RICTOR: variants seen among roughly 807,000 people sequenced by gnomAD.
RICTOR encodes RPTOR independent companion of MTOR complex 2, also known as rapamycin-insensitive companion of mTOR.
RICTOR carries 49 observed loss-of-function variants against 214.9 expected under a neutral mutation model. The ratio of observed to expected loss-of-function variants is 0.23; its 90% CI spans 0.18 to 0.29. The LOEUF (loss-of-function observed/expected upper bound fraction) is 0.29. Ranked by LOEUF, RICTOR falls within the 10% of genes least tolerant of loss-of-function variation. The pLI is 1.00. For synonymous variants in RICTOR, 717 were observed against 711.3 expected, an observed-to-expected ratio of 1.01 and a Z score of -0.13; for missense variants, 1,625 against 2,047.0, an observed-to-expected ratio of 0.79 and a Z score of 3.98.
At chr5:39,015,385 G>C (rs939877518) in intron 3 of RICTOR, among the ~76,000 whole-genome samples, 1 of 152,064 alleles carries the variant, frequency 6.6e-6, no homozygotes, top group African/African-American at 2.4e-5. Flanking sequence ...ATTAAATTCA[G>C]TGTTCTGTGC....
chr5:39,050,255 G>A (rs1336434808), intron 2 of RICTOR, among the ~76,000 whole-genome samples: 1 of 151,594 alleles, frequency 6.6e-6, no homozygotes, highest in Non-Finnish European at 1.5e-5. Context: ...AGTACTCTAA[G>A]TATCTGTAAA....
At chr5:39,030,991 G>A (rs1014484711) in intron 2 of RICTOR, among the ~76,000 whole-genome samples, 1 of 152,078 alleles carries the variant, frequency 6.6e-6, no homozygotes, top group Non-Finnish European at 1.5e-5. Flanking sequence ...TGCATATAAC[G>A]GCTATCAGGC....
At position 38,978,656 on chromosome 5, in the gene RICTOR, TAA is replaced by T. The variant is rs749328695; in HGVS notation, c.754-8_754-7del. 265 of 1,142,746 alleles carry T rather than the reference TAA, an allele frequency of 2.3e-4. No individual in the cohort carries two copies. The highest frequency in any genetic ancestry group is 4.8e-4 in the Middle Eastern group (2 of 4,198). 70.8% of individuals were successfully genotyped at this position (1,142,746 alleles called of 1,614,324 possible). A position where few individuals can be genotyped will look rare whatever the true frequency, so the allele number is the denominator to read the frequency against. ...GTATAGGGTGCTAAAATTCTCTATTTAAAAAAAAAAAGGAAGAAAAGAGTCTT... is the reference window on the plus strand; with the variant it reads ...GTATAGGGTGCTAAAATTCTCTATTTAAAAAAAAAGGAAGAAAAGAGTCTT... On this transcript the variant is annotated splice_polypyrimidine_tract_variant and splice_region_variant and intron_variant, in intron 8 of 37. Transcript: ENST00000357387.
At position 39,074,341 on chromosome 5, in the gene RICTOR, G is replaced by A. The variant is rs1313837026; in HGVS notation, c.37C>T (p.Leu13Phe). 2 of 1,541,354 alleles carry A rather than the reference G, an allele frequency of 1.3e-6. No homozygotes were observed. The highest frequency in any genetic ancestry group is 2.5e-5 in the East Asian group (1 of 39,896). Reference protein sequence around the residue: ...AIGRGRSLKNLRVRGRNDSGE... With the variant: ...AIGRGRSLKNFRVRGRNDSGE... ...GCAGCGGGCTTACCTCGTACTCGGA[G>A]GTTCTTCAGAGAGCGGCCGCGGCCG... The change falls in exon 1 of 38, where the codon CTC becomes TTC. Residue 13 changes from leucine to phenylalanine, a missense_variant. Around this residue, in one of 5 missense-constraint regions of RICTOR, gnomAD observed 71 missense variants for 57.9 expected, o/e 1.23. Transcript: ENST00000357387.
intron 31 of RICTOR, among the ~76,000 whole-genome samples, chr5:38,948,059 C>T (rs1748391466): frequency 6.6e-6 from 1 of 151,968 alleles, no homozygotes; most frequent in African/African-American, 2.4e-5. Flanking sequence ...CTAGAGATTC[C>T]ATAACAAATA....
intron 2 of RICTOR, among the ~76,000 whole-genome samples, chr5:39,068,307 T>C (rs540277883): frequency 6.6e-6 from 1 of 152,342 alleles, no homozygotes; most frequent in Non-Finnish European, 1.5e-5. Flanking sequence ...AGTAGGGGCA[T>C]ACAGTCTCCA....
chr5:38,996,773 C>T (rs754502773), intron 6 of RICTOR, 46 bp downstream of exon 6: 2 of 1,163,808 alleles, frequency 1.7e-6, no homozygotes, highest in Non-Finnish European at 2.5e-6. Context: ...TAAATATTAA[C>T]ATAAAAACCA....
In RICTOR at chr5:38,957,676, T is replaced by A. The variant is rs995908266; in HGVS notation, c.2475A>T (p.Ala825=). The change falls in exon 25 of 38, where the codon GCA becomes GCT. Residue 825 remains alanine, a synonymous_variant. Transcript: ENST00000357387. ...FSYLNERGYV[A]KQLEKWHREY... is the part of the protein sequence containing the mutation. ...CCCTGTGCCACTTTTCCAATTGTTT[T>A]GCTACATAACCTCTTTCATTCAGAT... 6.3e-7 allele frequency: 1 copy of A among 1,585,724 alleles called. No homozygotes were observed. The highest frequency in any genetic ancestry group is 1.4e-5 in the African/African-American group (1 of 73,876).
At chr5:38,998,824 G>A (rs1753371755) in intron 5 of RICTOR, among the ~76,000 whole-genome samples, 1 of 151,888 alleles carries the variant, frequency 6.6e-6, no homozygotes, top group South Asian at 2.1e-4. Flanking sequence ...AGACCAGCCT[G>A]GGCAACATGG....
At chr5:38,952,887 A>T in intron 29 of RICTOR, 98 bp downstream of exon 29, 1 of 665,226 alleles carries the variant, frequency 1.5e-6, no homozygotes. Context: ...GTGGATTAAC[A>T]GTTATGCATT....
At position 38,960,495 on chromosome 5, in the gene RICTOR, C is replaced by G; in HGVS notation, c.1754G>C (p.Ser585Thr). 3.1e-6 allele frequency: 5 copies of G among 1,613,794 alleles called. No homozygotes were observed. The highest frequency in any genetic ancestry group is 4.2e-6 in the Non-Finnish European group (5 of 1,179,724). Residue 585 changes from serine (S) to threonine (T), a missense_variant, in exon 20 of 38, where the codon AGT becomes ACT. Ser to Thr is a moderately conservative substitution (Grantham distance 58). This residue lies in a region of RICTOR where 1,214 missense variants were observed against 1,470.5 expected (regional missense o/e 0.83). Coordinates refer to ENST00000357387, the MANE Select transcript of RICTOR (RefSeq NM_152756.5). ...CAGATCCAGGTTGGCATATAATTTA[C>G]TGCTGGGCTTGTAAAAATAAAGTAG... ...RRLLYFYKPS[S>T]KLYANLDLDF...
At chr5:39,043,238 T>C (rs1193007182) in intron 2 of RICTOR, among the ~76,000 whole-genome samples, 2 of 152,176 alleles carry the variant, frequency 1.3e-5, no homozygotes, top group Non-Finnish European at 2.9e-5. Flanking sequence ...AGCAACCTAA[T>C]TGTCCTTCAA....
intron 24 of RICTOR, 56 bp downstream of exon 24, chr5:38,958,387 T>TACACTGCCAAAGAAC: frequency 9.0e-7 from 1 of 1,108,976 alleles, no homozygotes; most frequent in Non-Finnish European, 1.4e-6. Flanking sequence ...ATCTTTAATA[T>TACACTGCCAAAGAAC]ACACTGCCAA....
At chr5:39,072,912 G>A (rs920108286) in intron 2 of RICTOR, among the ~76,000 whole-genome samples, 2 of 152,198 alleles carry the variant, frequency 1.3e-5, no homozygotes, top group Non-Finnish European at 2.9e-5. Flanking sequence ...TTATAAAAAT[G>A]TACTCTTGTA....
At chr5:38,955,451 T>C in intron 26 of RICTOR, 144 bp downstream of exon 26, 3 of 609,776 alleles carry the variant, frequency 4.9e-6, no homozygotes, top group South Asian at 2.0e-5. Context: ...CAACATGCCA[T>C]GAATGCCACT....
chr5:38,946,637 T>A (rs1245989173), intron 32 of RICTOR, 85 bp from the exon 33 acceptor site: 16 of 822,758 alleles, frequency 1.9e-5, no homozygotes, highest in Non-Finnish European at 3.3e-5. Flanking sequence ...CAAAATAAAA[T>A]TAAAATAGAA....
At chr5:38,990,789 TGA>T (rs371675572) in intron 7 of RICTOR, among the ~76,000 whole-genome samples, 158 bp downstream of exon 7, 5 of 104,130 alleles carry the variant, frequency 4.8e-5, no homozygotes, top group East Asian at 2.8e-4. Context: ...ATGAGATATA[TGA>T]GATATATGAT....
intron 36 of RICTOR, among the ~76,000 whole-genome samples, chr5:38,943,850 C>A (rs1747879189): frequency 6.6e-6 from 1 of 152,008 alleles, no homozygotes. Flanking sequence ...AAAAGCCCTG[C>A]AGGAGACCCT....
intron 7 of RICTOR, among the ~76,000 whole-genome samples, chr5:38,986,830 C>T (rs1035687994): frequency 1.4e-4 from 21 of 152,170 alleles, no homozygotes; most frequent in African/African-American, 5.1e-4. Context: ...CCAGCTTTTG[C>T]TCATTCAGTA....
Sources: allele counts gnomAD v4.1 joint callset (sites outside exome capture counted in the v4.1 genomes callset), GRCh38; gene constraint gnomAD v4.1.1; regional missense constraint gnomAD v4.1.1; transcripts MANE v1.5; gene names NCBI Gene and HGNC (gene_info 2026-07-23, HGNC 2026-07-21).